BBS9: variants seen among roughly 807,000 people sequenced by gnomAD.
BBS9 encodes Bardet-Biedl syndrome 9.
BBS9 carries 89 observed loss-of-function variants against 117.7 expected under a neutral mutation model. That is an observed-to-expected ratio of 0.76 (90% confidence interval 0.64 to 0.90). The LOEUF (loss-of-function observed/expected upper bound fraction) is 0.90, where lower values mean the gene tolerates loss of function less well. Among genes scored for constraint, BBS9 ranks in the 40% least tolerant of loss-of-function variants. BBS9 has a pLI of 0.00. For synonymous variants in BBS9, 379 were observed against 370.9 expected (o/e 1.02, Z -0.25); for missense variants, 982 against 1,042.2 (o/e 0.94, Z 0.80).
chr7:33,368,274 G>T (rs889611819), intron 17 of BBS9, among the ~76,000 whole-genome samples: 3 of 152,112 alleles, frequency 2.0e-5, no homozygotes, highest in Non-Finnish European at 4.4e-5. Context: ...ATATATTCTT[G>T]TTTATTCATT....
At position 33,155,058 on chromosome 7, in the gene BBS9, G is replaced by T. The variant is rs552236228; in HGVS notation, c.264-580G>T. Among the ~76,000 whole-genome samples, 78 of 152,298 alleles carry T rather than the reference G, an allele frequency of 5.1e-4. 1 individual carries two copies. The South Asian group carries it at 0.016, about 32-fold the overall frequency. The stretch of plus-strand genomic sequence containing the variant: ...CTGGAAACCACTTGAGATAGGCTGG[G>T]AATTGTTGTGGTGATATTGGTAGTT... On this transcript the variant is annotated intron_variant, in intron 3 of 22. Transcript: ENST00000242067.
At chr7:33,489,578 C>T (rs1403441110) in intron 19 of BBS9, among the ~76,000 whole-genome samples, 1 of 151,990 alleles carries the variant, frequency 6.6e-6, no homozygotes, top group African/African-American at 2.4e-5. Flanking sequence ...TTCTGATATA[C>T]CAGAAGTTTT....
intron 21 of BBS9, among the ~76,000 whole-genome samples, chr7:33,633,997 T>C (rs1018110463): frequency 4.6e-5 from 7 of 152,212 alleles, no homozygotes; most frequent in Non-Finnish European, 7.3e-5. Flanking sequence ...ACCTAAGGAC[T>C]GTTTTGGGAA....
chr7:33,397,716 A>G (rs1423789362), intron 19 of BBS9, among the ~76,000 whole-genome samples: 1 of 152,174 alleles, frequency 6.6e-6, no homozygotes. Context: ...CTAATGCAGA[A>G]ACAGAAAACC....
At chr7:33,335,210 ATCT>A (rs140342590) in intron 9 of BBS9, among the ~76,000 whole-genome samples, 3,119 of 152,236 alleles carry the variant, frequency 0.02, 54 homozygotes, top group Non-Finnish European at 0.03. Context: ...ACATTTAAAC[ATCT>A]TCTTTTCTCT....
intron 4 of BBS9, among the ~76,000 whole-genome samples, chr7:33,169,507 C>T (rs1212121831): frequency 8.6e-5 from 13 of 150,640 alleles, no homozygotes; most frequent in African/African-American, 3.2e-4. Flanking sequence ...GCCATTCTAA[C>T]TGGTGTGAGA....
intron 20 of BBS9, among the ~76,000 whole-genome samples, chr7:33,518,370 C>T (rs1335430042): frequency 6.6e-6 from 1 of 151,394 alleles, no homozygotes; most frequent in Non-Finnish European, 1.5e-5. Flanking sequence ...CCTGCCTCAG[C>T]CTCCCGAGTA....
chr7:33,520,138 A>G (rs1395824850), intron 20 of BBS9, among the ~76,000 whole-genome samples: 1 of 151,518 alleles, frequency 6.6e-6, no homozygotes, highest in East Asian at 1.9e-4. Flanking sequence ...CCTCTTGAGT[A>G]GCTGGGATTA....
At chr7:33,226,740 A>G (rs1447759301) in intron 5 of BBS9, among the ~76,000 whole-genome samples, 2 of 152,222 alleles carry the variant, frequency 1.3e-5, no homozygotes, top group African/African-American at 2.4e-5. Flanking sequence ...ATGCCATAAC[A>G]TGGATGAACC....
At chr7:33,291,273 T>C (rs555176849) in intron 9 of BBS9, among the ~76,000 whole-genome samples, 2 of 152,296 alleles carry the variant, frequency 1.3e-5, no homozygotes, top group East Asian at 3.9e-4. Context: ...ATTTCTTTAT[T>C]CCTTAGTTAG....
At chr7:33,535,739 T>C (rs1432353678) in intron 21 of BBS9, among the ~76,000 whole-genome samples, 1 of 152,036 alleles carries the variant, frequency 6.6e-6, no homozygotes, top group African/African-American at 2.4e-5. Flanking sequence ...CCCTCCCTGC[T>C]TGCCCACAGG....
chr7:33,559,614 G>C (rs1855793548), intron 21 of BBS9, among the ~76,000 whole-genome samples: 1 of 152,168 alleles, frequency 6.6e-6, no homozygotes, highest in Non-Finnish European at 1.5e-5. Context: ...CACTATCCGT[G>C]TACTGAAAAA....
intron 21 of BBS9, among the ~76,000 whole-genome samples, chr7:33,604,143 T>C (rs933766542): frequency 2.0e-5 from 3 of 152,218 alleles, no homozygotes; most frequent in Non-Finnish European, 2.9e-5. Flanking sequence ...CAGGAAATGA[T>C]GGCAAATCAG....
At chr7:33,266,354 T>C (rs1798820053) in intron 7 of BBS9, among the ~76,000 whole-genome samples, 1 of 152,350 alleles carries the variant, frequency 6.6e-6, no homozygotes, top group African/African-American at 2.4e-5. Flanking sequence ...AAGATAGTTG[T>C]GGGAAGTCAT....
chr7:33,481,296 T>C (rs1250996578), intron 19 of BBS9, among the ~76,000 whole-genome samples: 8 of 152,148 alleles, frequency 5.3e-5, no homozygotes, highest in Non-Finnish European at 1.2e-4. Context: ...AGGAGAGTAG[T>C]ATAGGTTGAC....
Position 33,264,322 on chromosome 7 carries a change from A to G in BBS9, c.650A>G (p.Asp217Gly), listed in dbSNP as rs1798441314. ...YQVLAFATDADKRQETEQQKL... is the reference protein window; with the variant it reads ...YQVLAFATDAGKRQETEQQKL... ...GTACTTGCTTTTGCAACAGATGCAG[A>G]TAAAAGGCAGGAGACTGAACAGCAA... The change falls in exon 7 of 23, where the codon GAT becomes GGT. Residue 217 changes from aspartate to glycine, a missense_variant. Coordinates refer to ENST00000242067, the MANE Select transcript of BBS9 (RefSeq NM_198428.3). 1.3e-6 allele frequency: 2 copies of G among 1,566,232 alleles called. No individual in the cohort carries two copies. The highest frequency in any genetic ancestry group is 1.7e-6 in the Non-Finnish European group (2 of 1,155,698).
At chr7:33,507,260 A>C (rs1846274518) in intron 20 of BBS9, among the ~76,000 whole-genome samples, 1 of 152,018 alleles carries the variant, frequency 6.6e-6, no homozygotes, top group Admixed American at 6.6e-5. Flanking sequence ...TTTCGTTTTG[A>C]GATGGAGTCT....
chr7:33,178,848 C>G (rs1032692152), intron 5 of BBS9, among the ~76,000 whole-genome samples: 18 of 151,752 alleles, frequency 1.2e-4, no homozygotes, highest in African/African-American at 4.4e-4. Flanking sequence ...CAAGCAGCAT[C>G]AGGGATATTT....
chr7:33,627,029 C>T (rs1344645208), intron 21 of BBS9, among the ~76,000 whole-genome samples: 2 of 152,228 alleles, frequency 1.3e-5, no homozygotes, highest in African/African-American at 4.8e-5. Context: ...GGGGAAGATG[C>T]CTGGAAGGCA....
Sources: allele counts gnomAD v4.1 joint callset (sites outside exome capture counted in the v4.1 genomes callset), GRCh38; gene constraint gnomAD v4.1.1; transcripts MANE v1.5; gene names NCBI Gene and HGNC (gene_info 2026-07-23, HGNC 2026-07-21).